The following SNX29 variants were observed in gnomAD, a reference collection of about 807,000 sequenced individuals.
SNX29 encodes the protein sorting nexin 29.
Under a neutral mutation model 102.1 loss-of-function variants are expected in SNX29, and 78 were observed. The observed-to-expected ratio is 0.76, with a 90% CI of 0.64 to 0.92. The LOEUF is 0.92. SNX29 is among the 40% of genes least tolerant of loss of function. The pLI is 0.00. For missense variants in SNX29, 1,280 were observed against 1,061.7 expected, an observed-to-expected ratio of 1.21 and a Z score of -2.86; for synonymous variants, 580 against 414.5, an observed-to-expected ratio of 1.40 and a Z score of -4.85.
At chr16:12,551,632 C>T (rs912601051) in intron 20 of SNX29, among the ~76,000 whole-genome samples, 1 of 152,202 alleles carries the variant, frequency 6.6e-6, no homozygotes, top group African/African-American at 2.4e-5. Context: ...GGCATCAACC[C>T]AGCAAGTATT....
intron 20 of SNX29, among the ~76,000 whole-genome samples, chr16:12,544,433 G>A (rs1467596831): frequency 2.0e-5 from 3 of 152,176 alleles, no homozygotes; most frequent in Non-Finnish European, 2.9e-5. Flanking sequence ...GGATTTGGAC[G>A]TTTCTCTTTC....
intron 15 of SNX29, among the ~76,000 whole-genome samples, chr16:12,349,344 C>T (rs1281137267): frequency 6.6e-6 from 1 of 152,224 alleles, no homozygotes; most frequent in East Asian, 1.9e-4. Context: ...TGAGGATTTC[C>T]TGTGACTCTG....
intron 20 of SNX29, among the ~76,000 whole-genome samples, chr16:12,566,907 T>TA (rs2079034650): frequency 1.3e-5 from 2 of 152,208 alleles, no homozygotes; most frequent in South Asian, 2.1e-4. Flanking sequence ...AGACAATCAT[T>TA]AAAAGGGGTC....
chr16:12,029,887 T>C (rs168411), intron 4 of SNX29, among the ~76,000 whole-genome samples: 107,909 of 152,074 alleles, frequency 0.71, 38,985 homozygotes, highest in African/African-American at 0.82. Context: ...CCACCACGCC[T>C]GGCTGGAATT....
intron 20 of SNX29, among the ~76,000 whole-genome samples, chr16:12,562,966 A>G (rs985394217): frequency 2.8e-5 from 4 of 142,170 alleles, no homozygotes; most frequent in African/African-American, 8.3e-5. Flanking sequence ...ACCCAACACA[A>G]GGGGTGAGGG....
intron 11 of SNX29, among the ~76,000 whole-genome samples, chr16:12,117,640 A>G (rs1307196931): frequency 6.6e-6 from 1 of 152,212 alleles, no homozygotes; most frequent in African/African-American, 2.4e-5. Context: ...AAATTGCTTA[A>G]TGGGTAAGAG....
intron 20 of SNX29, chr16:12,560,627 T>TC (rs1197187839): frequency 6.5e-6 from 1 of 153,624 alleles, no homozygotes; most frequent in African/African-American, 2.4e-5. Flanking sequence ...CCTTGTCACA[T>TC]CCCCACCTTG....
intron 15 of SNX29, among the ~76,000 whole-genome samples, chr16:12,304,083 A>C (rs2080263359): frequency 6.6e-6 from 1 of 152,126 alleles, no homozygotes; most frequent in South Asian, 2.1e-4. Context: ...AATGATTTCT[A>C]CCTGAGAGAA....
chr16:12,089,107 GGAGAGAGAGAGAGAGAGAAAAGA>G (rs929296851), intron 11 of SNX29, among the ~76,000 whole-genome samples: 15 of 142,740 alleles, frequency 1.1e-4, no homozygotes, highest in Non-Finnish European at 2.0e-4. Flanking sequence ...AAGAAAGAGA[GGAGAGAGAGAGAGAGAGAAAAGA>G]GAGAGAGAGA....
At chr16:12,200,928 T>C (rs1322740638) in intron 14 of SNX29, among the ~76,000 whole-genome samples, 1 of 152,230 alleles carries the variant, frequency 6.6e-6, no homozygotes, top group African/African-American at 2.4e-5. Context: ...AAACAATGAA[T>C]TCAGAGTTTC....
chr16:12,550,668 T>G (rs1325510913), intron 20 of SNX29, among the ~76,000 whole-genome samples: 2 of 151,906 alleles, frequency 1.3e-5, no homozygotes, highest in East Asian at 1.9e-4. Flanking sequence ...AGGACCAAGG[T>G]GGGAAGACTC....
At chr16:12,194,515 CA>C (rs1412255134) in intron 13 of SNX29, among the ~76,000 whole-genome samples, 2 of 151,638 alleles carry the variant, frequency 1.3e-5, no homozygotes, top group African/African-American at 4.9e-5. Context: ...CTGTGCTGAA[CA>C]GGAGTGGTGA....
intron 20 of SNX29, among the ~76,000 whole-genome samples, chr16:12,542,922 A>C (rs965412755): frequency 3.9e-5 from 6 of 152,118 alleles, no homozygotes; most frequent in African/African-American, 9.7e-5. Context: ...TTGCTTAGCA[A>C]AACTATAGAG....
intron 3 of SNX29, among the ~76,000 whole-genome samples, chr16:12,007,498 C>T (rs1453082558): frequency 6.6e-6 from 1 of 151,994 alleles, no homozygotes; most frequent in Admixed American, 6.6e-5. Flanking sequence ...GAGTAAGACT[C>T]TCTCAAAAAA....
In SNX29 at chr16:12,570,118, T is replaced by C. The variant is rs970943536; in HGVS notation, c.*1489T>C. ...CCCTCGTAGCAAAAAGGAAGATTGT[T>C]CATGGCCTTTAAGGAAGGCTGAGAT... On this transcript the variant is annotated 3_prime_UTR_variant, in exon 21 of 21. Transcript: ENST00000566228. 6.4e-5 allele frequency: 66 copies of C among 1,030,054 alleles called. No homozygotes were observed. The African/African-American group carries it at 9.8e-4, about 15-fold the overall frequency. The allele number at this position is 1,030,054 out of a possible 1,614,324, so 63.8% of individuals were successfully genotyped here. A position where few individuals can be genotyped will look rare whatever the true frequency, so the allele number is the denominator to read the frequency against.
intron 15 of SNX29, among the ~76,000 whole-genome samples, chr16:12,318,580 T>G (rs1057396295): frequency 6.6e-6 from 1 of 152,216 alleles, no homozygotes; most frequent in Admixed American, 6.5e-5. Context: ...GTTTAAAAAT[T>G]TAGGGCTCCT....
intron 15 of SNX29, among the ~76,000 whole-genome samples, chr16:12,325,365 C>T (rs1003970106): frequency 3.3e-5 from 5 of 152,144 alleles, no homozygotes; most frequent in Non-Finnish European, 7.3e-5. Flanking sequence ...AAGAGGTTTC[C>T]TTTGCGAAAA....
chr16:12,322,737 A>G (rs1567437020), intron 15 of SNX29, among the ~76,000 whole-genome samples: 3 of 151,658 alleles, frequency 2.0e-5, no homozygotes, highest in African/African-American at 7.3e-5. Flanking sequence ...CACCGTCAGG[A>G]TGCAGTCACT....
At chr16:11,985,525 G>C (rs889705102) in intron 1 of SNX29, among the ~76,000 whole-genome samples, 1 of 152,208 alleles carries the variant, frequency 6.6e-6, no homozygotes. Context: ...CTGTCAACTC[G>C]TCTTTTCTCT....
Sources: gnomAD v4.1 joint callset for allele counts (sites outside exome capture counted in the v4.1 genomes callset) on GRCh38, gnomAD v4.1.1 for gene constraint, MANE v1.5 for transcripts, NCBI Gene and HGNC (gene_info 2026-07-23, HGNC 2026-07-21) for gene names.